KIF11: variants seen among roughly 807,000 people sequenced by gnomAD.
KIF11 encodes kinesin family member 11.
Under a neutral mutation model 121.0 loss-of-function variants are expected in KIF11, and 9 were observed. The ratio of observed to expected loss-of-function variants is 0.07; its 90% CI spans 0.04 to 0.13. The LOEUF (loss-of-function observed/expected upper bound fraction) is 0.13, where lower values mean the gene tolerates loss of function less well. KIF11 is among the 10% of genes least tolerant of loss of function. The pLI is 1.00. For missense variants in KIF11, 846 were observed against 1,217.5 expected (o/e 0.69, Z 4.54); for synonymous variants, 408 against 421.0 (o/e 0.97, Z 0.38).
intron 1 of KIF11, among the ~76,000 whole-genome samples, chr10:92,595,216 T>C (rs1424598697): frequency 6.6e-6 from 1 of 152,208 alleles, no homozygotes; most frequent in Non-Finnish European, 1.5e-5. Flanking sequence ...CACACCGCCA[T>C]GCCTGGCTAA....
In KIF11 at chr10:92,601,561, CG is replaced by C. The variant is rs371045908; in HGVS notation, c.78-4703del. 8.6e-4 allele frequency among the ~76,000 whole-genome samples: 131 copies of C among 151,892 alleles called. 1 individual carries two copies. The East Asian group carries it at 0.023, about 26-fold the overall frequency. The stretch of plus-strand genomic sequence containing the variant: ...CTAGCTAGAACTTACAGTATTATGT[CG>C]AATGGAAGTGGCAAAAGTGGGCATT... On this transcript the variant is annotated intron_variant, in intron 1 of 21. Coordinates refer to ENST00000260731, the MANE Select transcript of KIF11 (RefSeq NM_004523.4).
chr10:92,611,814 G>C (rs1243882293), intron 6 of KIF11, among the ~76,000 whole-genome samples: 1 of 152,132 alleles, frequency 6.6e-6, no homozygotes, highest in African/African-American at 2.4e-5. Flanking sequence ...CAGGAGAACT[G>C]CTTGAACCCA....
intron 4 of KIF11, among the ~76,000 whole-genome samples, chr10:92,607,516 A>G (rs1370409041): frequency 6.6e-6 from 1 of 152,214 alleles, no homozygotes; most frequent in Non-Finnish European, 1.5e-5. Context: ...ATTGTAGAAA[A>G]GTTGGAATAT....
At chr10:92,649,740 T>C (rs1844959965) in intron 19 of KIF11, 95 bp from the exon 20 acceptor site, 1 of 801,174 alleles carries the variant, frequency 1.2e-6, no homozygotes, top group Non-Finnish European at 2.0e-6. Flanking sequence ...TTTTATATTT[T>C]TAGAAGACAA....
intron 1 of KIF11, among the ~76,000 whole-genome samples, chr10:92,604,944 T>G (rs1844412370): frequency 1.3e-5 from 2 of 152,146 alleles, no homozygotes; most frequent in Non-Finnish European, 2.9e-5. Flanking sequence ...GCATGGTAGT[T>G]GTTGCTGGGG....
chr10:92,633,741 A>G lies in KIF11; in HGVS notation c.1821A>G (p.Ile607Met). The change falls in exon 14 of 22, where the codon ATA becomes ATG. Residue 607 changes from isoleucine to methionine, a missense_variant. Physicochemically the swap from Ile to Met is conservative, Grantham distance 10. This residue lies in a region of KIF11 where 492 missense variants were observed against 603.4 expected (regional missense o/e 0.82). Transcript: ENST00000260731. ...ATGTTTCTCAGATTTTTAATATGAT[A>G]CTAAAAGAACAATCATTAGCAGCAG... is the stretch of plus-strand genomic sequence containing the variant. The part of the protein sequence containing the change: ...STHVSQIFNM[I>M]LKEQSLAAES... 1 of 1,597,132 alleles carries G rather than the reference A, an allele frequency of 6.3e-7. No individual in the cohort carries two copies. Among genetic ancestry groups the G allele is most frequent in the Non-Finnish European group, 8.6e-7 (1 of 1,165,672 alleles).
intron 1 of KIF11, among the ~76,000 whole-genome samples, chr10:92,601,127 G>T (rs894483325): frequency 1.3e-5 from 2 of 152,046 alleles, no homozygotes; most frequent in Admixed American, 1.3e-4. Flanking sequence ...CAAAGTGCTG[G>T]GATTACAGGC....
At position 92,637,525 on chromosome 10, in the gene KIF11, A is replaced by G. The variant is rs1367238375; in HGVS notation, c.2140A>G (p.Ile714Val). 1.2e-6 allele frequency: 2 copies of G among 1,603,566 alleles called. No homozygotes were observed. The highest frequency in any genetic ancestry group is 1.7e-6 in the Non-Finnish European group (2 of 1,177,826). ...CGNLTEDLKT[I>V]KQTHSQELCK... The stretch of plus-strand genomic sequence containing the variant: ...AAACCTAACTGAAGACCTGAAGACA[A>G]TAAAGCAGACCCATTCCCAGGTATG... The change falls in exon 16 of 22, where the codon ATA becomes GTA. Residue 714 changes from isoleucine (I) to valine (V), a missense_variant. Around this residue, in one of 5 missense-constraint regions of KIF11, gnomAD observed 492 missense variants for 603.4 expected, o/e 0.82. Coordinates refer to ENST00000260731, the MANE Select transcript of KIF11 (RefSeq NM_004523.4).
intron 10 of KIF11, among the ~76,000 whole-genome samples, chr10:92,626,088 A>T (rs990866711): frequency 6.6e-6 from 1 of 152,220 alleles, no homozygotes; most frequent in Non-Finnish European, 1.5e-5. Context: ...ATTCATGTGG[A>T]ACTGGAAAAG....
At chr10:92,618,580 G>T (rs1177175191) in intron 9 of KIF11, among the ~76,000 whole-genome samples, 2 of 149,306 alleles carry the variant, frequency 1.3e-5, no homozygotes, top group Non-Finnish European at 3.0e-5. Flanking sequence ...CGGGAGACAG[G>T]TTGCAGTGAG....
intron 8 of KIF11, among the ~76,000 whole-genome samples, chr10:92,616,357 C>T (rs1844557723): frequency 6.6e-6 from 1 of 151,670 alleles, no homozygotes; most frequent in Non-Finnish European, 1.5e-5. Flanking sequence ...ACTACTATGC[C>T]CAGCTAATAT....
At position 92,648,444 on chromosome 10, in the gene KIF11, A is replaced by T; in HGVS notation, c.2770+10A>T. 1 of 1,528,246 alleles carries T rather than the reference A, an allele frequency of 6.5e-7. No individual in the cohort carries two copies. Among genetic ancestry groups the T allele is most frequent in the South Asian group, 1.2e-5 (1 of 83,132 alleles). 94.7% of individuals were successfully genotyped at this position (1,528,246 alleles called of 1,614,324 possible). A position where few individuals can be genotyped will look rare whatever the true frequency, so the allele number is the denominator to read the frequency against. ...CTGGATATCCCAACAGGTACTTTAA[A>T]AGAGAAATAGAATTGTTAAATTTTT... is the stretch of plus-strand genomic sequence containing the variant. On this transcript the variant is annotated intron_variant, in intron 19 of 21. Transcript: ENST00000260731.
intron 11 of KIF11, 143 bp downstream of exon 11, chr10:92,629,038 T>C: frequency 1.9e-6 from 1 of 527,458 alleles, no homozygotes; most frequent in Non-Finnish European, 3.5e-6. Context: ...TGGAGTGCAA[T>C]AGCGTGATCT....
At chr10:92,618,137 T>C (rs1844578784) in intron 9 of KIF11, among the ~76,000 whole-genome samples, 1 of 152,206 alleles carries the variant, frequency 6.6e-6, no homozygotes, top group African/African-American at 2.4e-5. Context: ...GTGAAATGTC[T>C]ATTCAAATGC....
rs9733604 is a variant in KIF11, at chr10:92,603,305, C to T, written c.78-2960C>T. Among the ~76,000 whole-genome samples the T allele has an allele frequency of 8.0e-3, 1,018 of 127,734 alleles. 22 individuals carry two copies. Among genetic ancestry groups the T allele is most frequent in the African/African-American group, 0.028 (967 of 34,576 alleles). The allele number at this position is 127,734 out of a possible 152,430, so 83.8% of individuals were successfully genotyped here. The stretch of plus-strand genomic sequence containing the variant: ...TTTGAGACAGAGTCTCGCTCTGTTG[C>T]CCAGGCCTGGAGTGCAGTGGCGCAT... On this transcript the variant is annotated intron_variant, in intron 1 of 21. Transcript: ENST00000260731.
chr10:92,645,531 T>A lies in KIF11; in HGVS notation c.2436T>A (p.Ser812=). ...TCAATGGCAACCTGGAAAAAATATC[T>A]CAAGAGACTGAACAGAGATGTGAAT... is the stretch of plus-strand genomic sequence containing the variant. ...DKLNGNLEKI[S]QETEQRCESL... is the part of the protein sequence containing the mutation. The change falls in exon 18 of 22, where the codon TCT becomes TCA. Residue 812 remains serine, a synonymous_variant. Coordinates refer to ENST00000260731, the MANE Select transcript of KIF11 (RefSeq NM_004523.4). 1 of 1,613,866 alleles carries A rather than the reference T, an allele frequency of 6.2e-7. No homozygotes were observed. Among genetic ancestry groups the A allele is most frequent in the Non-Finnish European group, 8.5e-7 (1 of 1,179,786 alleles).
At chr10:92,632,206 C>G (rs994751495) in intron 12 of KIF11, among the ~76,000 whole-genome samples, 5 of 151,698 alleles carry the variant, frequency 3.3e-5, no homozygotes, top group African/African-American at 1.2e-4. Context: ...CTCTCTGTCA[C>G]CCCGGCTGGA....
In KIF11 at chr10:92,593,156, A is replaced by G; in HGVS notation, c.-220A>G. On this transcript the variant is annotated 5_prime_UTR_variant, in exon 1 of 22. Transcript: ENST00000260731. ...GTTTCTGGGGATTCGGGCGGAGACG[A>G]GATTAGTGATTTGGCGGCTCCGACT... 5.7e-6 allele frequency: 3 copies of G among 524,320 alleles called. No homozygotes were observed. The highest frequency in any genetic ancestry group is 1.0e-5 in the Non-Finnish European group (3 of 291,212). The allele number at this position is 524,320 out of a possible 1,614,324, so 32.5% of individuals were successfully genotyped here. A position where few individuals can be genotyped will look rare whatever the true frequency, so the allele number is the denominator to read the frequency against.
chr10:92,608,367 A>G (rs1282434650), intron 4 of KIF11, among the ~76,000 whole-genome samples: 1 of 152,132 alleles, frequency 6.6e-6, no homozygotes, highest in Non-Finnish European at 1.5e-5. Context: ...ATAGATAATA[A>G]AGTTATGAAA....
Sources: allele counts gnomAD v4.1 joint callset (sites outside exome capture counted in the v4.1 genomes callset), GRCh38; gene constraint gnomAD v4.1.1; regional missense constraint gnomAD v4.1.1; transcripts MANE v1.5; gene names NCBI Gene and HGNC (gene_info 2026-07-23, HGNC 2026-07-21).